The following FAM107B variants were observed in gnomAD, a reference collection of about 807,000 sequenced individuals.
FAM107B encodes the protein protein FAM107B.
Under a neutral mutation model 31.5 loss-of-function variants are expected in FAM107B, and 21 were observed. The observed-to-expected ratio is 0.67, with a 90% CI of 0.47 to 0.96. The LOEUF is 0.96. Among genes scored for constraint, FAM107B ranks in the 40% least tolerant of loss-of-function variants. FAM107B has a pLI of 0.00. For synonymous variants in FAM107B, 157 were observed against 141.5 expected, an observed-to-expected ratio of 1.11 and a Z score of -0.78; for missense variants, 452 against 377.1, an observed-to-expected ratio of 1.20 and a Z score of -1.64.
chr10:14,580,039 T>A (rs921567299), intron 2 of FAM107B, among the ~76,000 whole-genome samples: 10 of 147,430 alleles, frequency 6.8e-5, no homozygotes, highest in African/African-American at 2.0e-4. Context: ...AAAAAAGTCA[T>A]ACATTCAACT....
chr10:14,748,952 T>C (rs1431238960), intron 1 of FAM107B, among the ~76,000 whole-genome samples: 1 of 152,232 alleles, frequency 6.6e-6, no homozygotes, highest in Non-Finnish European at 1.5e-5. Flanking sequence ...GGCCTGGATT[T>C]TACCCACTTC....
At chr10:14,688,047 A>G (rs946950571) in intron 1 of FAM107B, among the ~76,000 whole-genome samples, 10 of 152,242 alleles carry the variant, frequency 6.6e-5, no homozygotes, top group Admixed American at 2.6e-4. Flanking sequence ...GGTGGGCGCC[A>G]TCTAATCAGC....
rs115597859 is a variant in FAM107B at position 14,766,403 on chromosome 10, C to T, written c.411+7850G>A. ...GTCTGACCTGTTGACCTGAGTTTCCCATGCTGCTTGGAGGGTTATCATTAG... is the reference window on the plus strand; with the variant it reads ...GTCTGACCTGTTGACCTGAGTTTCCTATGCTGCTTGGAGGGTTATCATTAG... On this transcript the variant is annotated intron_variant, in intron 1 of 4. Coordinates refer to ENST00000181796, the MANE Select transcript of FAM107B (RefSeq NM_031453.4). Among the ~76,000 whole-genome samples the T allele has an allele frequency of 2.4e-3, 372 of 152,274 alleles. 1 individual carries two copies. Among genetic ancestry groups the T allele is most frequent in the Middle Eastern group, 0.01 (3 of 294 alleles).
chr10:14,768,159 A>T (rs1379930492), intron 1 of FAM107B, among the ~76,000 whole-genome samples: 1 of 152,206 alleles, frequency 6.6e-6, no homozygotes, highest in African/African-American at 2.4e-5. Flanking sequence ...AGAAGACATA[A>T]ATATAATAAA....
In FAM107B at chr10:14,530,464, C is replaced by T; in HGVS notation, c.521G>A (p.Ser174Asn). ...TATGTAGTCTGGCTCGGCCATGATG[C>T]TTCTTGTAATGAGATATGAGTCCTT... ...DHKDSYLITR[S>N]IMAEPDYIED... Residue 174 changes from serine to asparagine, a missense_variant, in exon 3 of 5, where the codon AGC (serine) becomes AAC (asparagine). Transcript: ENST00000181796. The T allele has an allele frequency of 6.2e-7, 1 of 1,613,980 alleles. No homozygotes were observed. The highest frequency in any genetic ancestry group is 8.5e-7 in the Non-Finnish European group (1 of 1,180,014).
At chr10:14,629,469 T>A (rs1458384620) in intron 2 of FAM107B, among the ~76,000 whole-genome samples, 1 of 87,578 alleles carries the variant, frequency 1.1e-5, no homozygotes, top group African/African-American at 5.3e-5. Flanking sequence ...ATATATATAT[T>A]TAATATATAT....
chr10:14,737,221 T>A (rs1588743371), intron 1 of FAM107B, among the ~76,000 whole-genome samples: 1 of 151,680 alleles, frequency 6.6e-6, no homozygotes, highest in Non-Finnish European at 1.5e-5. Flanking sequence ...TTTATTCATA[T>A]ATTACAGAGG....
rs765308767 is a variant in FAM107B at position 14,583,569 on chromosome 10, TA to T, written c.470-53055del. On this transcript the variant is annotated intron_variant, in intron 2 of 4. Coordinates refer to ENST00000181796, the MANE Select transcript of FAM107B (RefSeq NM_031453.4). The stretch of plus-strand genomic sequence containing the variant: ...CGTGGCTCTCCATTTTTAATTTTTT[TA>T]AAAAGTGGTCGCGGAAGTTGTGGCC... 7.6e-4 allele frequency among the ~76,000 whole-genome samples: 115 copies of T among 152,232 alleles called. 1 individual carries two copies. Among genetic ancestry groups the T allele is most frequent in the Middle Eastern group, 3.4e-3 (1 of 294 alleles).
intron 2 of FAM107B, among the ~76,000 whole-genome samples, chr10:14,557,391 T>A (rs1268761969): frequency 1.3e-5 from 2 of 152,220 alleles, no homozygotes; most frequent in Non-Finnish European, 2.9e-5. Flanking sequence ...ATGCAGTCTA[T>A]AAACATTTTT....
At chr10:14,650,638 C>T (rs1588682825) in intron 2 of FAM107B, among the ~76,000 whole-genome samples, 1 of 152,160 alleles carries the variant, frequency 6.6e-6, no homozygotes, top group East Asian at 1.9e-4. Flanking sequence ...TATTGTGCTA[C>T]GTATTGAGCA....
chr10:14,736,949 G>A (rs1303031667), intron 1 of FAM107B, among the ~76,000 whole-genome samples: 1 of 152,186 alleles, frequency 6.6e-6, no homozygotes, highest in African/African-American at 2.4e-5. Context: ...CCGACACCAG[G>A]CGGCCTTGTT....
chr10:14,630,278 T>TAAAAAAAAA (rs10525721), intron 2 of FAM107B, among the ~76,000 whole-genome samples: 3,544 of 134,148 alleles, frequency 0.026, 39 homozygotes, highest in African/African-American at 0.046. Context: ...CTACTGATGC[T>TAAAAAAAAA]AAAAAAAAAA....
intron 2 of FAM107B, chr10:14,653,816 T>C (rs186189266): frequency 3.3e-5 from 5 of 152,280 alleles, no homozygotes; most frequent in African/African-American, 1.2e-4. Context: ...AGGCTAGTGT[T>C]TTCTCCTGTT....
At chr10:14,573,870 T>G (rs1165429086) in intron 2 of FAM107B, among the ~76,000 whole-genome samples, 1 of 152,008 alleles carries the variant, frequency 6.6e-6, no homozygotes, top group African/African-American at 2.4e-5. Flanking sequence ...TCACTTGGAT[T>G]CCTTCCAAAT....
At chr10:14,721,759 G>A in intron 1 of FAM107B, among the ~76,000 whole-genome samples, 1 of 152,116 alleles carries the variant, frequency 6.6e-6, no homozygotes, top group East Asian at 1.9e-4. Context: ...TTTGTCAGAT[G>A]GGTAGATTGC....
Position 14,723,479 on chromosome 10 carries a change from G to A in FAM107B, c.411+50774C>T, listed in dbSNP as rs1855960031. On this transcript the variant is annotated intron_variant, in intron 1 of 4. Coordinates refer to ENST00000181796, the MANE Select transcript of FAM107B (RefSeq NM_031453.4). ...AGATCAGGCATGACCTGTCACGGGT[G>A]TTTACAGGAAATGGTACCACACATG... 3 of 574,468 alleles carry A rather than the reference G, an allele frequency of 5.2e-6. No individual in the cohort carries two copies. The Admixed American group carries it at 6.2e-5, about 12-fold the overall frequency. 35.6% of individuals were successfully genotyped at this position (574,468 alleles called of 1,614,324 possible). A position where few individuals can be genotyped will look rare whatever the true frequency, so the allele number is the denominator to read the frequency against.
At chr10:14,552,308 G>T (rs1849332392) in intron 2 of FAM107B, among the ~76,000 whole-genome samples, 2 of 152,144 alleles carry the variant, frequency 1.3e-5, no homozygotes, top group South Asian at 4.1e-4. Flanking sequence ...AATGGTGATG[G>T]AAATACAGCT....
intron 2 of FAM107B, among the ~76,000 whole-genome samples, chr10:14,536,534 T>A (rs1049214052): frequency 3.9e-5 from 6 of 152,108 alleles, no homozygotes; most frequent in African/African-American, 1.4e-4. Flanking sequence ...GCACCCACAG[T>A]TCCCAGACAG....
intron 2 of FAM107B, among the ~76,000 whole-genome samples, chr10:14,650,842 T>A (rs986525520): frequency 7.9e-5 from 12 of 152,240 alleles, no homozygotes; most frequent in African/African-American, 1.9e-4. Context: ...TAATATTTTT[T>A]AAAAACTCAA....
Sources: allele counts gnomAD v4.1 joint callset (sites outside exome capture counted in the v4.1 genomes callset), GRCh38; gene constraint gnomAD v4.1.1; transcripts MANE v1.5; gene names NCBI Gene and HGNC (gene_info 2026-07-23, HGNC 2026-07-21).